The following OAS1 variants were observed in gnomAD, a reference collection of about 807,000 sequenced individuals.
OAS1 encodes the protein 2'-5'-oligoadenylate synthase 1.
Under a neutral mutation model 38.5 loss-of-function variants are expected in OAS1, and 24 were observed. That is an observed-to-expected ratio of 0.62 (90% CI 0.45 to 0.88). OAS1 has a LOEUF of 0.88. Among genes scored for constraint, OAS1 ranks in the 40% least tolerant of loss-of-function variants. The pLI is 0.00. For synonymous variants in OAS1, 169 were observed against 193.9 expected, an observed-to-expected ratio of 0.87 and a Z score of 1.07; for missense variants, 482 against 493.9, an observed-to-expected ratio of 0.98 and a Z score of 0.23.
downstream of OAS1, among the ~76,000 whole-genome samples, chr12:112,922,504 A>G (rs1252926012): frequency 1.3e-5 from 2 of 152,048 alleles, no homozygotes; most frequent in African/African-American, 2.4e-5. Context: ...ACCATTCATT[A>G]TAGTCATTGC....
Position 112,906,984 on chromosome 12 carries a change from G to A in OAS1, c.-56G>A. 3.2e-6 allele frequency: 5 copies of A among 1,583,428 alleles called. No homozygotes were observed. The highest frequency in any genetic ancestry group is 1.7e-4 in the Middle Eastern group (1 of 5,994). The stretch of plus-strand genomic sequence containing the variant: ...AGCAGTCCAAGCTCAGTCAGCAGAA[G>A]AGATAAAAGCAAACAGGTCTGGGAG... On this transcript the variant is annotated 5_prime_UTR_variant, in exon 1 of 6. Transcript: ENST00000202917.
chr12:112,915,181 G>A (rs554621740), intron 3 of OAS1, among the ~76,000 whole-genome samples: 105 of 152,252 alleles, frequency 6.9e-4, no homozygotes, highest in Non-Finnish European at 7.4e-4. Flanking sequence ...TCTTGGTCAT[G>A]AAGTCTTTGC....
At chr12:112,921,884 C>T (rs2043531633), downstream of OAS1, among the ~76,000 whole-genome samples, 1 of 152,156 alleles carries the variant, frequency 6.6e-6, no homozygotes, top group East Asian at 1.9e-4. Flanking sequence ...CTCACTTAAC[C>T]CTCAGGCCAA....
chr12:112,919,156 C>G lies in OAS1; in HGVS notation c.1039-233C>G, dbSNP rs1593163596. 6.1e-6 allele frequency: 3 copies of G among 489,356 alleles called. No individual in the cohort carries two copies. In the East Asian group the frequency reaches 1.1e-4, roughly 19 times the overall value. 30.3% of individuals were successfully genotyped at this position (489,356 alleles called of 1,614,324 possible). On this transcript the variant is annotated intron_variant, in intron 5 of 5. Coordinates refer to ENST00000202917, the MANE Select transcript of OAS1 (RefSeq NM_016816.4). The stretch of plus-strand genomic sequence containing the variant: ...GTGGATCACTCACTGTGCTTGGGCA[C>G]CTTGGGAAAGGGCATGGCTTTGAGC...
downstream of OAS1, among the ~76,000 whole-genome samples, chr12:112,924,672 G>T (rs2043548445): frequency 6.6e-6 from 1 of 152,100 alleles, no homozygotes; most frequent in South Asian, 2.1e-4. Context: ...ATTTTGCAAT[G>T]GTTGCTTCAT....
chr12:112,925,826 G>A lies in OAS1; in HGVS notation c.1168-6052G>A, dbSNP rs2043555060. 3.3e-5 allele frequency among the ~76,000 whole-genome samples: 5 copies of A among 152,144 alleles called. No homozygotes were observed. In the South Asian group the frequency reaches 1.0e-3, roughly 32 times the overall value. On this transcript the variant is annotated intron_variant, in intron 6 of 6. Transcript: ENST00000540589. ...AATAAATACATAAATAAATTTGGGT[G>A]CAATTGTGGCTCTTAGTGTTACAGA...
rs1252785564 is a variant in OAS1, at chr12:112,911,307, A to G, written c.654+72A>G. The G allele has an allele frequency of 4.0e-6, 5 of 1,255,440 alleles. No individual in the cohort carries two copies. In the East Asian group the frequency reaches 1.3e-4, roughly 32 times the overall value. The allele number at this position is 1,255,440 out of a possible 1,614,324, so 77.8% of individuals were successfully genotyped here. ...CAGAGGAGGGGTGGGGGGAGGAGAG[A>G]AAGAAGGGAGTGAAGGGAAGAGGAG... On this transcript the variant is annotated intron_variant, in intron 3 of 5. Transcript: ENST00000202917.
chr12:112,911,360 T>G (rs2043381722), intron 3 of OAS1, 125 bp downstream of exon 3: 30 of 645,954 alleles, frequency 4.6e-5, no homozygotes, highest in South Asian at 2.1e-4. Context: ...AATAGAGGGA[T>G]GGAAAAAGGA....
At chr12:112,912,027 A>C (rs527787487) in intron 3 of OAS1, among the ~76,000 whole-genome samples, 1 of 152,344 alleles carries the variant, frequency 6.6e-6, no homozygotes, top group East Asian at 1.9e-4. Flanking sequence ...TCATTCGGCC[A>C]ATAAGTAGCA....
chr12:112,929,070 T>A (rs1001273391), intron 6 of OAS1, among the ~76,000 whole-genome samples: 4 of 152,224 alleles, frequency 2.6e-5, no homozygotes, highest in Non-Finnish European at 4.4e-5. Context: ...TGAGCATCTC[T>A]TTGCTGCCAG....
downstream of OAS1, among the ~76,000 whole-genome samples, chr12:112,922,543 T>A (rs539919359): frequency 6.6e-6 from 1 of 152,054 alleles, no homozygotes; most frequent in East Asian, 1.9e-4. Context: ...GCTCTGGGAG[T>A]CCTGCCTGCC....
At chr12:112,920,284 A>C (rs1369454371), downstream of OAS1, among the ~76,000 whole-genome samples, 1 of 152,206 alleles carries the variant, frequency 6.6e-6, no homozygotes, top group Non-Finnish European at 1.5e-5. Context: ...GTGACACAGC[A>C]GCCACTAGCC....
At chr12:112,930,380 CT>C (rs1162776633) in intron 6 of OAS1, among the ~76,000 whole-genome samples, 1 of 152,242 alleles carries the variant, frequency 6.6e-6, no homozygotes, top group Non-Finnish European at 1.5e-5. Context: ...GTCAAGTGAC[CT>C]GCCCAAGGGC....
Position 112,919,839 on chromosome 12 carries a change from G to A in OAS1, c.*286G>A. ...GAAATTCCAGCCTTGACTTTCTTCT[G>A]TGCACCTGATGGGAGGGTAATGTCT... On this transcript the variant is annotated 3_prime_UTR_variant, in exon 6 of 6. Transcript: ENST00000202917. 1 of 1,087,736 alleles carries A rather than the reference G, an allele frequency of 9.2e-7. No individual in the cohort carries two copies. Among genetic ancestry groups the A allele is most frequent in the Admixed American group, 2.9e-5 (1 of 34,272 alleles). 67.4% of individuals were successfully genotyped at this position (1,087,736 alleles called of 1,614,324 possible). A position where few individuals can be genotyped will look rare whatever the true frequency, so the allele number is the denominator to read the frequency against.
chr12:112,926,117 A>C (rs6489869), intron 6 of OAS1, among the ~76,000 whole-genome samples: 113,074 of 152,036 alleles, frequency 0.74, 43,351 homozygotes, highest in African/African-American at 0.94. Flanking sequence ...AATAAATGAT[A>C]TAATAATTTA....
chr12:112,907,370 T>C (rs1305748734), intron 1 of OAS1, 151 bp downstream of exon 1: 1 of 679,942 alleles, frequency 1.5e-6, no homozygotes, highest in Non-Finnish European at 2.5e-6. Context: ...GGATGGTGGT[T>C]TCTTATTTAT....
chr12:112,924,967 AAACTATGGTAT>A (rs2043549966), intron 6 of OAS1, among the ~76,000 whole-genome samples: 1 of 152,190 alleles, frequency 6.6e-6, no homozygotes, highest in Non-Finnish European at 1.5e-5. Context: ...AGGACGAGGG[AAACTATGGTAT>A]AACATTGAAG....
intron 6 of OAS1, among the ~76,000 whole-genome samples, chr12:112,928,517 G>T (rs1367006393): frequency 1.3e-5 from 2 of 152,234 alleles, no homozygotes; most frequent in African/African-American, 4.8e-5. Flanking sequence ...GCTGGGCTCA[G>T]CTGGGCACCT....
chr12:112,907,357 C>G, intron 1 of OAS1, 138 bp downstream of exon 1: 1 of 748,936 alleles, frequency 1.3e-6, no homozygotes, highest in African/African-American at 1.8e-5. Flanking sequence ...CTGAGATCTT[C>G]TGGGATGGTG....
Sources: allele counts gnomAD v4.1 joint callset (sites outside exome capture counted in the v4.1 genomes callset), GRCh38; gene constraint gnomAD v4.1.1; transcripts MANE v1.5; gene names NCBI Gene and HGNC (gene_info 2026-07-23, HGNC 2026-07-21).